Variants in PRDM16 observed in about 807,000 individuals in gnomAD.
The protein encoded by PRDM16 is PR/SET domain 16.
In PRDM16, 23 loss-of-function variants were observed where a neutral mutation model predicts 110.6. The observed-to-expected ratio is 0.21, with a 90% confidence interval of 0.15 to 0.29. The LOEUF (loss-of-function observed/expected upper bound fraction) is 0.29. PRDM16 is among the 10% of genes least tolerant of loss of function. The pLI is 1.00. For synonymous variants in PRDM16, 799 were observed against 781.8 expected (o/e 1.02, Z -0.37); for missense variants, 1,615 against 1,794.3 (o/e 0.90, Z 1.81).
In PRDM16 at chr1:3,425,956, C is replaced by T; in HGVS notation, c.3110-95C>T. On this transcript the variant is annotated intron_variant, in intron 13 of 16. Transcript: ENST00000270722. This position sits in a 1 kb window ranked among gnomAD's most constrained non-coding sequence, Gnocchi z 6.9. The stretch of plus-strand genomic sequence containing the variant: ...GTCCCTAAGAAACCTGCCTCCCTAA[C>T]AGCACCCCAGGTGTACCCCGTTCGC... The T allele has an allele frequency of 1.4e-6, 2 of 1,402,732 alleles. No individual in the cohort carries two copies. The highest frequency in any genetic ancestry group is 2.6e-4 in the Middle Eastern group (1 of 3,886). The allele number at this position is 1,402,732 out of a possible 1,614,324, so 86.9% of individuals were successfully genotyped here.
rs1207934851 is a variant in PRDM16 at position 3,208,801 on chromosome 1, G to T, written c.387+22327G>T. 1 of 152,312 alleles carries T rather than the reference G, an allele frequency of 6.6e-6. No individual in the cohort carries two copies. Among genetic ancestry groups the T allele is most frequent in the Non-Finnish European group, 1.5e-5 (1 of 68,114 alleles). 9.4% of individuals were successfully genotyped at this position (152,312 alleles called of 1,614,324 possible). On this transcript the variant is annotated intron_variant, in intron 2 of 16. Transcript: ENST00000270722. The surrounding 1 kb of genome is among the most constrained non-coding windows in gnomAD (Gnocchi z 6.1). ...GTATGGGCCACCATCCCCTTTGTGGGGTTTGTCCTTTGGAACCATCTCCAC... is the reference window on the plus strand; with the variant it reads ...GTATGGGCCACCATCCCCTTTGTGGTGTTTGTCCTTTGGAACCATCTCCAC...
intron 2 of PRDM16, among the ~76,000 whole-genome samples, chr1:3,198,204 G>T (rs910374041): frequency 6.6e-6 from 1 of 152,214 alleles, no homozygotes. Flanking sequence ...GTGTGGCTGG[G>T]TTGCTGTGGT....
chr1:3,345,119 G>A (rs1026452857), intron 3 of PRDM16, among the ~76,000 whole-genome samples: 1 of 152,158 alleles, frequency 6.6e-6, no homozygotes, highest in Admixed American at 6.5e-5. Context: ...CTTTCTGCCC[G>A]AGTTCCAGCT....
Position 3,244,147 on chromosome 1 carries a change from C to A in PRDM16, c.438+10C>A, listed in dbSNP as rs1557553773. 1 of 1,613,504 alleles carries A rather than the reference C, an allele frequency of 6.2e-7. No individual in the cohort carries two copies. Among genetic ancestry groups the A allele is most frequent in the Non-Finnish European group, 8.5e-7 (1 of 1,179,764 alleles). On this transcript the variant is annotated intron_variant, in intron 3 of 16. Transcript: ENST00000270722. The surrounding 1 kb of genome is among the most constrained non-coding windows in gnomAD (Gnocchi z 4.1). ...AGGCTGCATCACAAAGGTAGGAGAGCTCGCCCTGCGCCGTCTCAGCTCCCC... is the reference window on the plus strand; with the variant it reads ...AGGCTGCATCACAAAGGTAGGAGAGATCGCCCTGCGCCGTCTCAGCTCCCC...
chr1:3,321,433 CA>C, intron 3 of PRDM16, among the ~76,000 whole-genome samples: 1 of 150,624 alleles, frequency 6.6e-6, no homozygotes, highest in East Asian at 2.0e-4. Flanking sequence ...TGTGTGGGTG[CA>C]CATGTGTTTG....
chr1:3,180,874 A>G lies in PRDM16; in HGVS notation c.38-5251A>G, dbSNP rs558380591. 4.6e-5 allele frequency among the ~76,000 whole-genome samples: 7 copies of G among 151,948 alleles called. No homozygotes were observed. The South Asian group carries it at 1.5e-3, about 32-fold the overall frequency. The stretch of plus-strand genomic sequence containing the variant: ...CGCAGTCTTACGCACGGCCTTACAC[A>G]CGCAGTCTTACACACGGCCTCACAC... On this transcript the variant is annotated intron_variant, in intron 1 of 16. Coordinates refer to ENST00000270722, the MANE Select transcript of PRDM16 (RefSeq NM_022114.4).
Position 3,069,618 on chromosome 1 carries a change from G to A in PRDM16, c.37+322G>A, listed in dbSNP as rs1197145666. Among the ~76,000 whole-genome samples the A allele has an allele frequency of 2.0e-5, 3 of 150,760 alleles. No individual in the cohort carries two copies. The highest frequency in any genetic ancestry group is 4.5e-5 in the Non-Finnish European group (3 of 67,274). On this transcript the variant is annotated intron_variant, in intron 1 of 16. Transcript: ENST00000270722. The surrounding 1 kb of genome is among the most constrained non-coding windows in gnomAD (Gnocchi z 6.1). ...GGTGGGGGCCGGGGAGGGGGGCGGA[G>A]GGGGAGGGCCGGGGGTGGAGGGGAG...
chr1:3,339,955 G>A lies in PRDM16; in HGVS notation c.439-45197G>A, dbSNP rs535639384. On this transcript the variant is annotated intron_variant, in intron 3 of 16. Coordinates refer to ENST00000270722, the MANE Select transcript of PRDM16 (RefSeq NM_022114.4). This position sits in a 1 kb window ranked among gnomAD's most constrained non-coding sequence, Gnocchi z 5.0. ...AAGTGGGGCTGGGGGGAACAGGTGT[G>A]CCATCCCCCGAGCGTGCCTCCTCCT... Among the ~76,000 whole-genome samples the A allele has an allele frequency of 5.9e-4, 90 of 152,316 alleles. No homozygotes were observed. Among genetic ancestry groups the A allele is most frequent in the Non-Finnish European group, 4.1e-4 (28 of 68,032 alleles).
intron 3 of PRDM16, among the ~76,000 whole-genome samples, chr1:3,287,837 C>G (rs1488921870): frequency 1.0e-4 from 12 of 118,258 alleles, no homozygotes; most frequent in East Asian, 2.8e-4. Flanking sequence ...ACCGGGACTG[C>G]AGCCGCCCCG....
At chr1:3,310,944 GTC>G (rs1641440638) in intron 3 of PRDM16, among the ~76,000 whole-genome samples, 2 of 151,986 alleles carry the variant, frequency 1.3e-5, no homozygotes, top group Non-Finnish European at 2.9e-5. Context: ...GTGCGTGTGT[GTC>G]TGTGAGACGT....
intron 3 of PRDM16, among the ~76,000 whole-genome samples, chr1:3,278,529 C>T (rs746565377): frequency 3.3e-5 from 5 of 152,206 alleles, no homozygotes; most frequent in Admixed American, 6.5e-5. Flanking sequence ...CCACCTAAAG[C>T]GCAGTCACTA....
chr1:3,416,678 G>A (rs1454229638), intron 10 of PRDM16, among the ~76,000 whole-genome samples: 1 of 152,194 alleles, frequency 6.6e-6, no homozygotes, highest in African/African-American at 2.4e-5. Flanking sequence ...GGAGCTCCCA[G>A]GGGAGGCAGG....
At chr1:3,204,508 C>T (rs896401682) in intron 2 of PRDM16, among the ~76,000 whole-genome samples, 2 of 152,236 alleles carry the variant, frequency 1.3e-5, no homozygotes, top group Non-Finnish European at 2.9e-5. Flanking sequence ...GGGAAGTCTC[C>T]GAATTCCTTC....
At position 3,191,974 on chromosome 1, in the gene PRDM16, G is replaced by A. The variant is rs190471183; in HGVS notation, c.387+5500G>A. ...ACCCGGTTCAGTCCGATGGCAGGAGGGGCAATGGCAAATTTACTCCAGGGT... is the reference window on the plus strand; with the variant it reads ...ACCCGGTTCAGTCCGATGGCAGGAGAGGCAATGGCAAATTTACTCCAGGGT... On this transcript the variant is annotated intron_variant, in intron 2 of 16. Coordinates refer to ENST00000270722, the MANE Select transcript of PRDM16 (RefSeq NM_022114.4). 1.0e-3 allele frequency among the ~76,000 whole-genome samples: 153 copies of A among 152,304 alleles called. 1 individual carries two copies. Among genetic ancestry groups the A allele is most frequent in the African/African-American group, 3.6e-3 (149 of 41,574 alleles).
At chr1:3,356,189 G>A (rs1257304990) in intron 3 of PRDM16, among the ~76,000 whole-genome samples, 8 of 152,188 alleles carry the variant, frequency 5.3e-5, no homozygotes, top group Non-Finnish European at 5.9e-5. Context: ...ACACCAGCAC[G>A]CGGGCACAGA....
chr1:3,270,938 C>A (rs1253048186), intron 3 of PRDM16, among the ~76,000 whole-genome samples: 1 of 151,164 alleles, frequency 6.6e-6, no homozygotes, highest in Non-Finnish European at 1.5e-5. Context: ...GACGGCAGTT[C>A]CAGAGGGGCA....
At position 3,287,708 on chromosome 1, in the gene PRDM16, G is replaced by A. The variant is rs549480705; in HGVS notation, c.438+43571G>A. 1.9e-4 allele frequency among the ~76,000 whole-genome samples: 24 copies of A among 127,380 alleles called. 1 individual carries two copies. The highest frequency in any genetic ancestry group is 9.1e-4 in the African/African-American group (23 of 25,246). 83.6% of individuals were successfully genotyped at this position (127,380 alleles called of 152,430 possible). Reference sequence around the variant, plus strand: ...ACCGGGGCTGGAACCGCCCCGCCACGCGGACATCCAGGATTGCATTTACCG... The same window carrying A: ...ACCGGGGCTGGAACCGCCCCGCCACACGGACATCCAGGATTGCATTTACCG... On this transcript the variant is annotated intron_variant, in intron 3 of 16. Coordinates refer to ENST00000270722, the MANE Select transcript of PRDM16 (RefSeq NM_022114.4).
intron 3 of PRDM16, among the ~76,000 whole-genome samples, chr1:3,368,140 C>T (rs928362767): frequency 1.3e-5 from 2 of 152,158 alleles, no homozygotes; most frequent in Non-Finnish European, 2.9e-5. Flanking sequence ...GGCAACCTAC[C>T]GAAATCATGC....
At position 3,141,991 on chromosome 1, in the gene PRDM16, C is replaced by T. The variant is rs138907708; in HGVS notation, c.38-44134C>T. Among the ~76,000 whole-genome samples the T allele has an allele frequency of 6.3e-3, 966 of 152,376 alleles. 9 individuals carry two copies. The highest frequency in any genetic ancestry group is 0.022 in the African/African-American group (925 of 41,600). ...TCATGGTGCACCGCGTTTCCGAAAA[C>T]GTGGGGCCGCACTGTGCATTCGTCA... On this transcript the variant is annotated intron_variant, in intron 1 of 16. Coordinates refer to ENST00000270722, the MANE Select transcript of PRDM16 (RefSeq NM_022114.4).
Sources: gnomAD v4.1 joint callset for allele counts (sites outside exome capture counted in the v4.1 genomes callset) on GRCh38, gnomAD v4.1.1 for gene constraint, Gnocchi (gnomAD v3.1) non-coding constraint, MANE v1.5 for transcripts, NCBI Gene and HGNC (gene_info 2026-07-23, HGNC 2026-07-21) for gene names.